The following MACROD2 variants were observed in gnomAD, a reference collection of about 807,000 sequenced individuals.
MACROD2 encodes the protein ADP-ribose glycohydrolase MACROD2.
Under a neutral mutation model 70.4 loss-of-function variants are expected in MACROD2, and 36 were observed. The observed-to-expected ratio is 0.51, with a 90% CI of 0.39 to 0.68. MACROD2 has a LOEUF of 0.68. MACROD2 is among the 30% of genes least tolerant of loss of function. MACROD2 has a pLI of 0.00. For synonymous variants in MACROD2, 172 were observed against 178.8 expected, an observed-to-expected ratio of 0.96 and a Z score of 0.30; for missense variants, 496 against 538.4, an observed-to-expected ratio of 0.92 and a Z score of 0.78.
At chr20:14,107,251 T>C (rs1165342654) in intron 3 of MACROD2, among the ~76,000 whole-genome samples, 2 of 152,060 alleles carry the variant, frequency 1.3e-5, no homozygotes, top group Non-Finnish European at 2.9e-5. Flanking sequence ...GCAAGCAACA[T>C]ATTGAAGAAT....
chr20:15,088,376 T>C, intron 5 of MACROD2, among the ~76,000 whole-genome samples: 1 of 140,196 alleles, frequency 7.1e-6, no homozygotes, highest in South Asian at 2.4e-4. Flanking sequence ...AGAATAACCA[T>C]TAAAACATAT....
chr20:15,386,075 A>G lies in MACROD2; in HGVS notation c.541-45330A>G, dbSNP rs143151954. Among the ~76,000 whole-genome samples, 18 of 152,288 alleles carry G rather than the reference A, an allele frequency of 1.2e-4. 1 individual carries two copies. The East Asian group carries it at 3.5e-3, about 29-fold the overall frequency. ...TTGAGATTCCAGAAGTGAAGACCTT[A>G]CACAAGGAGATGACAGCTGTCAGTG... On this transcript the variant is annotated intron_variant, in intron 6 of 17. Coordinates refer to ENST00000684519, the MANE Select transcript of MACROD2 (RefSeq NM_001351661.2).
chr20:15,335,212 A>G (rs954467522), intron 6 of MACROD2, among the ~76,000 whole-genome samples: 1 of 151,858 alleles, frequency 6.6e-6, no homozygotes, highest in Admixed American at 6.6e-5. Context: ...TTGCTTAGTG[A>G]CTTGCTCTTT....
At chr20:15,990,175 T>C (rs2066538927) in intron 15 of MACROD2, among the ~76,000 whole-genome samples, 1 of 152,140 alleles carries the variant, frequency 6.6e-6, no homozygotes, top group African/African-American at 2.4e-5. Flanking sequence ...TCTTCCTAAA[T>C]GAGCCCAGTT....
intron 3 of MACROD2, among the ~76,000 whole-genome samples, chr20:14,239,295 T>C (rs1226776588): frequency 6.6e-6 from 1 of 152,224 alleles, no homozygotes; most frequent in Admixed American, 6.5e-5. Context: ...ATGGCTGTAC[T>C]GCCCAAAGCA....
At chr20:15,307,184 G>C (rs1416135171) in intron 6 of MACROD2, among the ~76,000 whole-genome samples, 1 of 152,134 alleles carries the variant, frequency 6.6e-6, no homozygotes, top group African/African-American at 2.4e-5. Flanking sequence ...CTGCACCAAA[G>C]CTCTATGCTG....
At chr20:15,724,540 CTA>C (rs2050833942) in intron 8 of MACROD2, among the ~76,000 whole-genome samples, 1 of 152,050 alleles carries the variant, frequency 6.6e-6, no homozygotes, top group Non-Finnish European at 1.5e-5. Context: ...GCTTAAAAGA[CTA>C]TCTTTGTTCT....
chr20:15,135,176 T>G (rs1326673173), intron 5 of MACROD2, among the ~76,000 whole-genome samples: 1 of 150,886 alleles, frequency 6.6e-6, no homozygotes, highest in Non-Finnish European at 1.5e-5. Context: ...ACTATTCCAA[T>G]CAATAGAAAA....
chr20:14,692,236 T>C (rs747310634), intron 5 of MACROD2, among the ~76,000 whole-genome samples: 2 of 152,160 alleles, frequency 1.3e-5, no homozygotes, highest in East Asian at 1.9e-4. Context: ...CGTGCTCAAG[T>C]GTGAGGGCCA....
At chr20:14,002,000 A>C (rs1271144406) in intron 1 of MACROD2, among the ~76,000 whole-genome samples, 1 of 152,204 alleles carries the variant, frequency 6.6e-6, no homozygotes, top group East Asian at 1.9e-4. Flanking sequence ...CCAGCATATC[A>C]CCTGGCCCAT....
At chr20:14,747,775 C>T (rs2071818748) in intron 5 of MACROD2, among the ~76,000 whole-genome samples, 1 of 151,486 alleles carries the variant, frequency 6.6e-6, no homozygotes, top group Non-Finnish European at 1.5e-5. Context: ...TGCCTCTGCT[C>T]CTATCTCTGT....
intron 8 of MACROD2, among the ~76,000 whole-genome samples, chr20:15,785,008 C>T (rs1023309442): frequency 1.3e-5 from 2 of 151,448 alleles, no homozygotes; most frequent in African/African-American, 4.9e-5. Flanking sequence ...AAAAATTAGC[C>T]GGGCATGGTG....
chr20:14,909,847 G>A (rs1431045856), intron 5 of MACROD2, among the ~76,000 whole-genome samples: 2 of 152,160 alleles, frequency 1.3e-5, no homozygotes, highest in East Asian at 1.9e-4. Context: ...GGGGTGAAAT[G>A]ATTATATTGT....
rs1464013655 is a variant in MACROD2 at position 15,781,184 on chromosome 20, G to A, written c.646-81561G>A. Among the ~76,000 whole-genome samples, 3 of 152,218 alleles carry A rather than the reference G, an allele frequency of 2.0e-5. No individual in the cohort carries two copies. The East Asian group carries it at 5.8e-4, about 29-fold the overall frequency. ...CAAATAAAGAATGTGGAGACACAGA[G>A]AGCATACATAATATGCCTAAGGTCA... On this transcript the variant is annotated intron_variant, in intron 8 of 17. Coordinates refer to ENST00000684519, the MANE Select transcript of MACROD2 (RefSeq NM_001351661.2).
At chr20:15,893,181 C>G (rs1406241108) in intron 10 of MACROD2, among the ~76,000 whole-genome samples, 1 of 152,182 alleles carries the variant, frequency 6.6e-6, no homozygotes, top group Non-Finnish European at 1.5e-5. Flanking sequence ...GAATCAGACT[C>G]AAGTTTATTT....
At chr20:15,422,575 T>A (rs2046244190) in intron 6 of MACROD2, among the ~76,000 whole-genome samples, 1 of 152,192 alleles carries the variant, frequency 6.6e-6, no homozygotes, top group Admixed American at 6.5e-5. Context: ...TGGGAATGAA[T>A]CAGATAATGC....
chr20:14,488,809 C>A (rs1245970329), intron 3 of MACROD2, among the ~76,000 whole-genome samples: 1 of 152,092 alleles, frequency 6.6e-6, no homozygotes, highest in Admixed American at 6.6e-5. Context: ...ATTTGTTTAG[C>A]TTTTAGAGTT....
chr20:15,527,663 G>A (rs16995898), intron 8 of MACROD2, among the ~76,000 whole-genome samples: 16,469 of 152,116 alleles, frequency 0.11, 1,050 homozygotes, highest in East Asian at 0.28. Flanking sequence ...ATGATCTGAG[G>A]TCCACTACTG....
chr20:15,020,746 T>C (rs2075159945), intron 5 of MACROD2, among the ~76,000 whole-genome samples: 6 of 151,946 alleles, frequency 3.9e-5, no homozygotes, highest in Admixed American at 3.9e-4. Flanking sequence ...AACACAATGT[T>C]AACGATTTGT....
Sources: allele counts gnomAD v4.1 joint callset (sites outside exome capture counted in the v4.1 genomes callset), GRCh38; gene constraint gnomAD v4.1.1; transcripts MANE v1.5; gene names NCBI Gene and HGNC (gene_info 2026-07-23, HGNC 2026-07-21).